The following RPS12 variants were observed in gnomAD, a reference collection of about 807,000 sequenced individuals.
RPS12 encodes ribosomal protein S12.
Under a neutral mutation model 17.2 loss-of-function variants are expected in RPS12, and 1 was observed. The observed-to-expected ratio is 0.06, with a 90% CI of 0.02 to 0.28. The LOEUF is 0.28. Among genes scored for constraint, RPS12 ranks in the 10% least tolerant of loss-of-function variants. The pLI, the probability that RPS12 is intolerant of heterozygous loss-of-function variation, is 1.00. For missense variants in RPS12, 146 were observed against 162.1 expected, an observed-to-expected ratio of 0.90 and a Z score of 0.54; for synonymous variants, 67 against 54.0, an observed-to-expected ratio of 1.24 and a Z score of -1.06.
chr6:132,815,158 C>T, intron 3 of RPS12, 70 bp downstream of exon 3: 1 of 960,912 alleles, frequency 1.0e-6, no homozygotes, highest in Non-Finnish European at 1.7e-6. Context: ...GGGAAGAAGG[C>T]ATGGAGTTCA....
rs1382501621 is a variant in RPS12 at position 132,816,545 on chromosome 6, C to T, written c.216C>T (p.His72=). ...TGGTGGAGGCCCTTTGTGCTGAACACCAAATCAACCTAATTAAGGTAAGGC... is the reference window on the plus strand; with the variant it reads ...TGGTGGAGGCCCTTTGTGCTGAACATCAAATCAACCTAATTAAGGTAAGGC... ...VKLVEALCAE[H]QINLIKVDDN... The change falls in exon 4 of 6, where the codon CAC becomes CAT. Residue 72 remains histidine (H), a synonymous_variant. Transcript: ENST00000230050. 6.3e-7 allele frequency: 1 copy of T among 1,597,162 alleles called. No homozygotes were observed. The highest frequency in any genetic ancestry group is 8.5e-7 in the Non-Finnish European group (1 of 1,175,632).
chr6:132,816,417 G>C, intron 3 of RPS12, 44 bp from the exon 4 acceptor site: 2 of 1,429,670 alleles, frequency 1.4e-6, no homozygotes, highest in Non-Finnish European at 2.0e-6. Context: ...TGATGGATTT[G>C]GATCTGAGTT....
chr6:132,815,032 C>T lies in RPS12; in HGVS notation c.75C>T (p.Ala25=), dbSNP rs371214079. Residue 25 remains alanine (A), a synonymous_variant, in exon 3 of 6, where the codon GCC becomes GCT. Transcript: ENST00000230050. ...CTTTACAAGAGGTTCTGAAGACTGC[C>T]CTCATCCACGATGGCCTAGCACGTG... ...NTALQEVLKT[A]LIHDGLARGI... 100 of 1,613,694 alleles carry T rather than the reference C, an allele frequency of 6.2e-5. No individual in the cohort carries two copies. Among genetic ancestry groups the T allele is most frequent in the Non-Finnish European group, 7.7e-5 (91 of 1,179,794 alleles).
chr6:132,816,149 T>C lies in RPS12; in HGVS notation c.132-312T>C, dbSNP rs545406390. 2.3e-4 allele frequency: 100 copies of C among 436,530 alleles called. 3 individuals carry two copies. The highest frequency in any genetic ancestry group is 2.1e-3 in the South Asian group (97 of 45,588). 27.0% of individuals were successfully genotyped at this position (436,530 alleles called of 1,614,324 possible). A position where few individuals can be genotyped will look rare whatever the true frequency, so the allele number is the denominator to read the frequency against. On this transcript the variant is annotated intron_variant, in intron 3 of 5. Coordinates refer to ENST00000230050, the MANE Select transcript of RPS12 (RefSeq NM_001016.4). ...GTGCCCGGCCTTTCACATGTTTCTTTAGGTATATGAAGCTGGCTTACAAGA... is the reference window on the plus strand; with the variant it reads ...GTGCCCGGCCTTTCACATGTTTCTTCAGGTATATGAAGCTGGCTTACAAGA...
rs1782014701 is a variant in RPS12 at position 132,815,056 on chromosome 6, T to C, written c.99T>C (p.Arg33=). The part of the protein sequence containing the change: ...KTALIHDGLA[R]GIREAAKALD... ...CCCTCATCCACGATGGCCTAGCACGTGGAATTCGCGAAGCTGCCAAAGCCT... is the reference window on the plus strand; with the variant it reads ...CCCTCATCCACGATGGCCTAGCACGCGGAATTCGCGAAGCTGCCAAAGCCT... The change falls in exon 3 of 6, where the codon CGT becomes CGC. Residue 33 remains arginine, a synonymous_variant. Coordinates refer to ENST00000230050, the MANE Select transcript of RPS12 (RefSeq NM_001016.4). The C allele has an allele frequency of 1.2e-6, 2 of 1,613,362 alleles. No homozygotes were observed. The highest frequency in any genetic ancestry group is 4.5e-5 in the East Asian group (2 of 44,878).
At chr6:132,815,184 A>G (rs963707710) in intron 3 of RPS12, 96 bp downstream of exon 3, 1 of 820,668 alleles carries the variant, frequency 1.2e-6, no homozygotes, top group Non-Finnish European at 2.1e-6. Context: ...TTAGCGCAAA[A>G]GTTCTGAATG....
chr6:132,814,736 T>C lies in RPS12; in HGVS notation c.-33T>C. On this transcript the variant is annotated 5_prime_UTR_variant, in exon 2 of 6. Transcript: ENST00000230050. ...GTCAATGCTTTTGTTTTTTAGTGCG[T>C]TCAAGATTCAACTTCACCCGTAACC... 1.2e-6 allele frequency: 2 copies of C among 1,612,044 alleles called. No homozygotes were observed. The highest frequency in any genetic ancestry group is 1.7e-6 in the Non-Finnish European group (2 of 1,178,280).
Position 132,814,725 on chromosome 6 carries a change from T to A in RPS12, c.-37-7T>A. On this transcript the variant is annotated splice_polypyrimidine_tract_variant and splice_region_variant and intron_variant, in intron 1 of 5. Transcript: ENST00000230050. Reference sequence around the variant, plus strand: ...TTCTTTAACAAGTCAATGCTTTTGTTTTTTAGTGCGTTCAAGATTCAACTT... The same window carrying A: ...TTCTTTAACAAGTCAATGCTTTTGTATTTTAGTGCGTTCAAGATTCAACTT... 15 of 1,605,950 alleles carry A rather than the reference T, an allele frequency of 9.3e-6. No homozygotes were observed. The highest frequency in any genetic ancestry group is 1.3e-5 in the Non-Finnish European group (15 of 1,173,154).
At chr6:132,815,185 G>A (rs1782017675) in intron 3 of RPS12, 97 bp downstream of exon 3, 4 of 809,362 alleles carry the variant, frequency 4.9e-6, no homozygotes, top group Non-Finnish European at 8.7e-6. Flanking sequence ...TAGCGCAAAA[G>A]TTCTGAATGG....
intron 4 of RPS12, 112 bp downstream of exon 4, chr6:132,816,675 C>A: frequency 1.2e-6 from 1 of 808,886 alleles, no homozygotes; most frequent in South Asian, 1.3e-5. Flanking sequence ...ACATTACGTG[C>A]ACCTGATACT....
At chr6:132,815,516 C>T (rs1406036311) in intron 3 of RPS12, 3 of 413,052 alleles carry the variant, frequency 7.3e-6, no homozygotes, top group East Asian at 7.1e-5. Flanking sequence ...AGCATTTGGT[C>T]CTAGATGAAT....
chr6:132,817,367 C>A (rs911746575), intron 5 of RPS12, 113 bp from the exon 6 acceptor site: 2 of 847,104 alleles, frequency 2.4e-6, no homozygotes, highest in East Asian at 4.8e-5. Context: ...TGATGGGAAA[C>A]ATTTTTATAA....
At chr6:132,815,949 T>G (rs3778175) in intron 3 of RPS12, 28,756 of 453,564 alleles carry the variant, frequency 0.063, 1,022 homozygotes, top group Middle Eastern at 0.077. Flanking sequence ...GCGATTCTTC[T>G]GCCTCCCGAG....
Position 132,816,864 on chromosome 6 carries a change from C to T in RPS12, c.235-96C>T, listed in dbSNP as rs1462023571. On this transcript the variant is annotated intron_variant, in intron 4 of 5. Coordinates refer to ENST00000230050, the MANE Select transcript of RPS12 (RefSeq NM_001016.4). ...GCCATGAGGAAACTGCCATGTCACCCTTCTGATTACAGCCACCTTTTGGGT... is the reference window on the plus strand; with the variant it reads ...GCCATGAGGAAACTGCCATGTCACCTTTCTGATTACAGCCACCTTTTGGGT... 4.6e-6 allele frequency: 4 copies of T among 873,278 alleles called. No individual in the cohort carries two copies. In the East Asian group the frequency reaches 7.2e-5, roughly 16 times the overall value. 54.1% of individuals were successfully genotyped at this position (873,278 alleles called of 1,614,324 possible). A position where few individuals can be genotyped will look rare whatever the true frequency, so the allele number is the denominator to read the frequency against.
intron 2 of RPS12, 94 bp from the exon 3 acceptor site, chr6:132,814,878 T>A: frequency 7.0e-7 from 1 of 1,426,790 alleles, no homozygotes; most frequent in Non-Finnish European, 9.9e-7. Context: ...CGGGTCGCCG[T>A]AAGCGCGTCT....
chr6:132,815,105 C>T lies in RPS12; in HGVS notation c.131+17C>T. ...CTTAGACAAGTACGTGTATCAGTCT[C>T]AATACTGTGGGTTCTTGCAACCGGA... is the stretch of plus-strand genomic sequence containing the variant. On this transcript the variant is annotated intron_variant, in intron 3 of 5. Transcript: ENST00000230050. 1 of 1,498,058 alleles carries T rather than the reference C, an allele frequency of 6.7e-7. No homozygotes were observed. The highest frequency in any genetic ancestry group is 9.3e-7 in the Non-Finnish European group (1 of 1,074,978). The allele number at this position is 1,498,058 out of a possible 1,614,324, so 92.8% of individuals were successfully genotyped here.
At chr6:132,815,362 C>G (rs775995488) in intron 3 of RPS12, 2 of 622,110 alleles carry the variant, frequency 3.2e-6, no homozygotes, top group South Asian at 2.8e-5. Context: ...ATGAGTGAAA[C>G]ATAAGAGTCT....
rs1431732393 is a variant in RPS12, at chr6:132,814,579, GC to G, written c.-70del. ...GCGTGCGGATGAGGCCTCTTTCCCTGCCGCCGCCGAGTCGCGCGGAGGCGGA... is the reference window on the plus strand; with the variant it reads ...GCGTGCGGATGAGGCCTCTTTCCCTGCGCCGCCGAGTCGCGCGGAGGCGGA... On this transcript the variant is annotated 5_prime_UTR_variant, in exon 1 of 6. Coordinates refer to ENST00000230050, the MANE Select transcript of RPS12 (RefSeq NM_001016.4). 6 of 755,534 alleles carry G rather than the reference GC, an allele frequency of 7.9e-6. No individual in the cohort carries two copies. The African/African-American group carries it at 1.0e-4, about 13-fold the overall frequency. The allele number at this position is 755,534 out of a possible 1,614,324, so 46.8% of individuals were successfully genotyped here. A position where few individuals can be genotyped will look rare whatever the true frequency, so the allele number is the denominator to read the frequency against.
intron 5 of RPS12, 28 bp from the exon 6 acceptor site, chr6:132,817,452 A>C: frequency 7.1e-7 from 1 of 1,416,950 alleles, no homozygotes; most frequent in Non-Finnish European, 9.9e-7. Context: ...TTAACAAGAA[A>C]TTGCATGCGT....
Sources: allele counts gnomAD v4.1 joint callset, GRCh38; gene constraint gnomAD v4.1.1; transcripts MANE v1.5; gene names NCBI Gene and HGNC (gene_info 2026-07-23, HGNC 2026-07-21).